FERRY3: variants seen among roughly 807,000 people sequenced by gnomAD.
FERRY3 encodes FERRY endosomal RAB5 effector complex subunit 3.
chr12:4,490,521 C>A, the FERRY3 span: 1 of 1,598,074 alleles, frequency 6.3e-7, no homozygotes, highest in Non-Finnish European at 8.5e-7. Context: ...AGATAACATA[C>A]CTGTGGTACT....
chr12:4,515,655 G>A, the FERRY3 span, among the ~76,000 whole-genome samples: 2 of 152,210 alleles, frequency 1.3e-5, no homozygotes, highest in Admixed American at 6.5e-5. Flanking sequence ...GCTGGGGCGG[G>A]GGGAAATGGG....
chr12:4,538,048 G>A, the FERRY3 span, among the ~76,000 whole-genome samples: 2 of 151,418 alleles, frequency 1.3e-5, no homozygotes, highest in African/African-American at 2.4e-5. Flanking sequence ...AATCAGGAAT[G>A]TTGAAAAAAA....
the FERRY3 span, among the ~76,000 whole-genome samples, chr12:4,500,615 CTTTA>C: frequency 6.6e-6 from 1 of 152,032 alleles, no homozygotes; most frequent in African/African-American, 2.4e-5. Flanking sequence ...GAGTACTCAT[CTTTA>C]TTTTGATGTA....
At chr12:4,491,056 C>T in the FERRY3 span, 5 of 827,672 alleles carry the variant, frequency 6.0e-6, no homozygotes, top group South Asian at 8.4e-5. Flanking sequence ...GCTTGCTAAA[C>T]TATCTAACTG....
chr12:4,509,694 G>A, the FERRY3 span, among the ~76,000 whole-genome samples: 2 of 142,820 alleles, frequency 1.4e-5, no homozygotes, highest in Non-Finnish European at 3.0e-5. Flanking sequence ...GGTCCTGTCT[G>A]TTAGAAGGAA....
the FERRY3 span, chr12:4,509,253 A>C: frequency 0.047 from 5,459 of 116,382 alleles, 52 homozygotes; most frequent in African/African-American, 0.081. Context: ...TCCTACGCCC[A>C]CGGAGTCTCG....
chr12:4,521,586 A>C, the FERRY3 span, among the ~76,000 whole-genome samples: 1 of 152,208 alleles, frequency 6.6e-6, no homozygotes, highest in African/African-American at 2.4e-5. Context: ...AGCGAAAACA[A>C]TTGGAAATTC....
chr12:4,516,872 A>G, the FERRY3 span, among the ~76,000 whole-genome samples: 3 of 152,094 alleles, frequency 2.0e-5, no homozygotes, highest in African/African-American at 4.8e-5. Context: ...AAGTTGAAGG[A>G]AAAAAAACCC....
chr12:4,504,725 T>C, the FERRY3 span, among the ~76,000 whole-genome samples: 6 of 152,184 alleles, frequency 3.9e-5, no homozygotes, highest in East Asian at 1.9e-4. Context: ...AAATTTGCAA[T>C]AGCAAACAAT....
chr12:4,523,299 G>C, the FERRY3 span, among the ~76,000 whole-genome samples: 5 of 152,138 alleles, frequency 3.3e-5, no homozygotes, highest in Non-Finnish European at 7.3e-5. Context: ...TTTAAAAGCA[G>C]CATCAGCTAC....
the FERRY3 span, among the ~76,000 whole-genome samples, chr12:4,501,401 C>T: frequency 6.6e-6 from 1 of 152,150 alleles, no homozygotes; most frequent in Non-Finnish European, 1.5e-5. Context: ...GGACTGGCAC[C>T]GTCCATCACC....
the FERRY3 span, among the ~76,000 whole-genome samples, chr12:4,512,642 C>T: frequency 2.4e-3 from 357 of 150,618 alleles, 2 homozygotes; most frequent in Middle Eastern, 0.017. Context: ...ACAAAAACCA[C>T]ATGATTATCT....
the FERRY3 span, among the ~76,000 whole-genome samples, chr12:4,524,106 CTT>C: frequency 6.6e-6 from 1 of 151,758 alleles, no homozygotes; most frequent in Non-Finnish European, 1.5e-5. Flanking sequence ...AAAGGGATAA[CTT>C]TCACAGCAAA....
At chr12:4,509,521 C>G in the FERRY3 span, among the ~76,000 whole-genome samples, 4,232 of 142,664 alleles carry the variant, frequency 0.03, 128 homozygotes, top group African/African-American at 0.085. Context: ...GAAGAGAGCA[C>G]TGGTTCTCCC....
At chr12:4,531,709 T>A in the FERRY3 span, among the ~76,000 whole-genome samples, 1 of 152,202 alleles carries the variant, frequency 6.6e-6, no homozygotes, top group South Asian at 2.1e-4. Flanking sequence ...TTCAAACCAT[T>A]CAGCACCCCT....
At chr12:4,497,432 T>C in the FERRY3 span, among the ~76,000 whole-genome samples, 1 of 152,210 alleles carries the variant, frequency 6.6e-6, no homozygotes, top group South Asian at 2.1e-4. Context: ...ATATATGTTA[T>C]ATATGGGTGT....
the FERRY3 span, among the ~76,000 whole-genome samples, chr12:4,503,164 T>G: frequency 6.6e-6 from 1 of 152,226 alleles, no homozygotes; most frequent in Non-Finnish European, 1.5e-5. Flanking sequence ...GGCACTGCTT[T>G]CTTTGACCTT....
At chr12:4,518,650 G>C in the FERRY3 span, 1 of 622,530 alleles carries the variant, frequency 1.6e-6, no homozygotes, top group South Asian at 2.6e-5. Flanking sequence ...TTGAGCCCAG[G>C]GGTTCAAGAC....
At chr12:4,513,766 C>T in the FERRY3 span, among the ~76,000 whole-genome samples, 2 of 152,028 alleles carry the variant, frequency 1.3e-5, no homozygotes, top group South Asian at 2.1e-4. Context: ...AAGATTTAAA[C>T]GTTAGACCTA....
Sources: gnomAD v4.1 joint callset for allele counts (sites outside exome capture counted in the v4.1 genomes callset) on GRCh38, gnomAD v4.1.1 for gene constraint, MANE v1.5 for transcripts, NCBI Gene and HGNC (gene_info 2026-07-23, HGNC 2026-07-21) for gene names.